The following NELL2 variants were observed in gnomAD, a reference collection of about 807,000 sequenced individuals.
NELL2 encodes protein kinase C-binding protein NELL2.
Under a neutral mutation model 109.6 loss-of-function variants are expected in NELL2, and 41 were observed. The observed-to-expected ratio is 0.37, with a 90% CI of 0.29 to 0.49. The LOEUF (loss-of-function observed/expected upper bound fraction) is 0.49, where lower values mean the gene tolerates loss of function less well. Ranked by LOEUF, NELL2 falls within the 20% of genes least tolerant of loss-of-function variation. The pLI, the probability that NELL2 is intolerant of heterozygous loss-of-function variation, is 0.98. For synonymous variants in NELL2, 355 were observed against 344.7 expected (o/e 1.03, Z -0.33); for missense variants, 900 against 1,008.3 (o/e 0.89, Z 1.45).
chr12:44,833,906 A>C (rs1483336631), intron 2 of NELL2, among the ~76,000 whole-genome samples: 1 of 152,218 alleles, frequency 6.6e-6, no homozygotes, highest in African/African-American at 2.4e-5. Context: ...AAACGAAAGT[A>C]TCGGAGTGGA....
At chr12:44,674,181 G>T (rs1172436714) in intron 12 of NELL2, among the ~76,000 whole-genome samples, 1 of 152,060 alleles carries the variant, frequency 6.6e-6, no homozygotes, top group Non-Finnish European at 1.5e-5. Context: ...GAACACATTT[G>T]GGAATTTATA....
At chr12:44,761,717 A>C (rs957581448) in intron 9 of NELL2, among the ~76,000 whole-genome samples, 1 of 152,200 alleles carries the variant, frequency 6.6e-6, no homozygotes, top group African/African-American at 2.4e-5. Context: ...ATGAAATCAC[A>C]TCTTTTGAAG....
At chr12:44,669,417 G>A (rs35977363) in intron 12 of NELL2, among the ~76,000 whole-genome samples, 24,582 of 151,916 alleles carry the variant, frequency 0.16, 2,059 homozygotes, top group East Asian at 0.21. Context: ...TCTATAAAAT[G>A]TCTAAAAAGG....
At chr12:44,596,799 C>T (rs1035307079) in intron 15 of NELL2, among the ~76,000 whole-genome samples, 1 of 152,060 alleles carries the variant, frequency 6.6e-6, no homozygotes, top group Non-Finnish European at 1.5e-5. Flanking sequence ...AAGTAATTTG[C>T]CCTATTCCAC....
intron 16 of NELL2, among the ~76,000 whole-genome samples, chr12:44,524,902 A>C (rs1352392051): frequency 2.6e-5 from 4 of 152,150 alleles, no homozygotes; most frequent in Non-Finnish European, 5.9e-5. Context: ...GATTAGAGAA[A>C]ATTTTTCTCT....
At chr12:44,531,818 T>C (rs974943615) in intron 16 of NELL2, among the ~76,000 whole-genome samples, 6 of 152,182 alleles carry the variant, frequency 3.9e-5, no homozygotes, top group Non-Finnish European at 7.3e-5. Flanking sequence ...TCTCAAGTTG[T>C]GTTTTGTTTT....
In NELL2 at chr12:44,711,260, C is replaced by A. The variant is rs570265688; in HGVS notation, c.1189+32G>T. On this transcript the variant is annotated intron_variant, in intron 11 of 19. Transcript: ENST00000429094. ...TACTAGCCTACTATAATAACTCTTG[C>A]ACGTAAACCTTACTTTTCAAAAAAG... 3.4e-6 allele frequency: 5 copies of A among 1,481,334 alleles called. No individual in the cohort carries two copies. In the African/African-American group the frequency reaches 6.9e-5, roughly 21 times the overall value. 91.8% of individuals were successfully genotyped at this position (1,481,334 alleles called of 1,614,324 possible).
chr12:44,870,856 C>T (rs1043050583), intron 2 of NELL2, among the ~76,000 whole-genome samples: 3 of 152,120 alleles, frequency 2.0e-5, no homozygotes, highest in East Asian at 1.9e-4. Flanking sequence ...TGCTGTATAA[C>T]GTAACCTATT....
rs60040149 is a variant in NELL2, at chr12:44,886,084, T to TAAGGAAGG, written c.39-10192_39-10185dup. On this transcript the variant is annotated intron_variant, in intron 1 of 20. Transcript: ENST00000333837. Reference sequence around the variant, plus strand: ...CCAGAACAATGGAACATCCATATAGTAAGGAAGGAAGGAAGGAAGGAAGGA... The same window carrying TAAGGAAGG: ...CCAGAACAATGGAACATCCATATAGTAAGGAAGGAAGGAAGGAAGGAAGGAAGGAAGGA... 5.5e-3 allele frequency among the ~76,000 whole-genome samples: 631 copies of TAAGGAAGG among 115,758 alleles called. 2 individuals are homozygous for TAAGGAAGG. The highest frequency in any genetic ancestry group is 8.9e-3 in the South Asian group (28 of 3,148). The allele number at this position is 115,758 out of a possible 152,430, so 75.9% of individuals were successfully genotyped here. A position where few individuals can be genotyped will look rare whatever the true frequency, so the allele number is the denominator to read the frequency against.
At chr12:44,857,602 T>C (rs1944720925) in intron 2 of NELL2, among the ~76,000 whole-genome samples, 1 of 152,070 alleles carries the variant, frequency 6.6e-6, no homozygotes, top group South Asian at 2.1e-4. Context: ...AAAACAATTG[T>C]GTCATTTGTT....
intron 16 of NELL2, among the ~76,000 whole-genome samples, chr12:44,528,790 A>G (rs181185210): frequency 9.2e-5 from 14 of 152,342 alleles, no homozygotes; most frequent in Middle Eastern, 3.4e-3. Flanking sequence ...CAGAGGTGGG[A>G]GACTATTTTA....
intron 2 of NELL2, among the ~76,000 whole-genome samples, chr12:44,849,444 A>G (rs1022293063): frequency 6.6e-6 from 1 of 152,190 alleles, no homozygotes; most frequent in African/African-American, 2.4e-5. Flanking sequence ...AGGGAAATAC[A>G]AATTAAGTCC....
chr12:44,586,684 A>G (rs1944518962), intron 15 of NELL2, among the ~76,000 whole-genome samples: 1 of 152,224 alleles, frequency 6.6e-6, no homozygotes, highest in African/African-American at 2.4e-5. Flanking sequence ...CAGAGTTGCT[A>G]TGCCAAGTAC....
At chr12:44,878,300 T>C (rs757142584), upstream of NELL2, among the ~76,000 whole-genome samples, 8 of 152,180 alleles carry the variant, frequency 5.3e-5, no homozygotes, top group Non-Finnish European at 1.2e-4. Context: ...TTATTTGACC[T>C]AATTAAATAG....
chr12:44,837,357 C>T (rs764892963), intron 2 of NELL2, among the ~76,000 whole-genome samples: 1 of 152,174 alleles, frequency 6.6e-6, no homozygotes, highest in Non-Finnish European at 1.5e-5. Context: ...AACCTCATCC[C>T]TAATCGTGGC....
rs1004398593 is a variant in NELL2, at chr12:44,668,404, C to T, written c.1319-2795G>A. The stretch of plus-strand genomic sequence containing the variant: ...GACTGGCCATGTGCCCTCCTGGGGG[C>T]TGAGGATAGGCTTGTCCCACCCAAT... On this transcript the variant is annotated intron_variant, in intron 12 of 19. Coordinates refer to ENST00000429094, the MANE Select transcript of NELL2 (RefSeq NM_001145108.2). 2.6e-5 allele frequency among the ~76,000 whole-genome samples: 4 copies of T among 152,118 alleles called. No individual in the cohort carries two copies. The East Asian group carries it at 7.7e-4, about 29-fold the overall frequency.
intron 12 of NELL2, among the ~76,000 whole-genome samples, chr12:44,673,292 G>A (rs1948205537): frequency 6.6e-6 from 1 of 152,168 alleles, no homozygotes; most frequent in Non-Finnish European, 1.5e-5. Context: ...GGAAAATCAT[G>A]TCAAATTTAG....
intron 12 of NELL2, among the ~76,000 whole-genome samples, chr12:44,667,206 T>A (rs1402222671): frequency 5.9e-5 from 9 of 152,188 alleles, no homozygotes. Context: ...ACTTTGTCCA[T>A]CATATTCATC....
At chr12:44,727,560 G>A (rs530602610) in intron 9 of NELL2, among the ~76,000 whole-genome samples, 4 of 152,138 alleles carry the variant, frequency 2.6e-5, no homozygotes, top group African/African-American at 9.6e-5. Flanking sequence ...AAAGCAGAAA[G>A]AGAGAGGAAG....
Sources: gnomAD v4.1 joint callset for allele counts (sites outside exome capture counted in the v4.1 genomes callset) on GRCh38, gnomAD v4.1.1 for gene constraint, MANE v1.5 for transcripts, NCBI Gene and HGNC (gene_info 2026-07-23, HGNC 2026-07-21) for gene names.